The following TRAPPC12 variants were observed in gnomAD, a reference collection of about 807,000 sequenced individuals.
The protein encoded by TRAPPC12 is TPR repeat protein 15.
A neutral mutation model predicts 69.2 loss-of-function variants in TRAPPC12; 61 were observed. The observed-to-expected ratio is 0.88, with a 90% CI of 0.72 to 1.09. TRAPPC12 has a LOEUF of 1.09. Ranked by LOEUF, TRAPPC12 falls within the 50% of genes least tolerant of loss-of-function variation. The pLI is 0.00. For synonymous variants in TRAPPC12, 469 were observed against 438.9 expected, an observed-to-expected ratio of 1.07 and a Z score of -0.86; for missense variants, 1,101 against 1,016.4, an observed-to-expected ratio of 1.08 and a Z score of -1.13.
At position 3,424,625 on chromosome 2, in the gene TRAPPC12, A is replaced by G. The variant is rs1431421637; in HGVS notation, c.1379A>G (p.Tyr460Cys). The stretch of plus-strand genomic sequence containing the variant: ...GGAAATCTTGATCAGCCAGATCTTT[A>G]TTACGAGTACTACCCGCACGTGTAC... ...PFGNLDQPDL[Y>C]YEYYPHVYPG... Residue 460 changes from tyrosine to cysteine, a missense_variant, in exon 5 of 12, where the codon TAT (tyrosine) becomes TGT (cysteine). Physicochemically the swap from Tyr to Cys is radical, Grantham distance 194. Transcript: ENST00000324266. 2 of 1,613,872 alleles carry G rather than the reference A, an allele frequency of 1.2e-6. No individual in the cohort carries two copies. The highest frequency in any genetic ancestry group is 3.3e-5 in the Admixed American group (2 of 59,914).
intron 3 of TRAPPC12, among the ~76,000 whole-genome samples, chr2:3,416,092 G>A (rs918296611): frequency 4.6e-5 from 7 of 152,158 alleles, no homozygotes; most frequent in Non-Finnish European, 1.0e-4. Context: ...TGATGCACTG[G>A]TAGCCATTTG....
At position 3,466,992 on chromosome 2, in the gene TRAPPC12, G is replaced by C. The variant is rs576398233; in HGVS notation, c.1776+1297G>C. Among the ~76,000 whole-genome samples, 212 of 152,322 alleles carry C rather than the reference G, an allele frequency of 1.4e-3. 2 individuals are homozygous for C. The highest frequency in any genetic ancestry group is 1.0e-3 in the Non-Finnish European group (71 of 68,026). ...AGACAATCTCGGAAATTTTATTTCA[G>C]AGTCATATTTTGCACAATTTGAGAA... On this transcript the variant is annotated intron_variant, in intron 9 of 11. Transcript: ENST00000324266.
chr2:3,470,850 G>A (rs1462623137), intron 9 of TRAPPC12, among the ~76,000 whole-genome samples: 4 of 152,164 alleles, frequency 2.6e-5, no homozygotes, highest in Admixed American at 6.5e-5. Context: ...TTGGGAAAAC[G>A]TGCTATAAAG....
intron 2 of TRAPPC12, among the ~76,000 whole-genome samples, chr2:3,389,940 T>C (rs919602518): frequency 1.3e-5 from 2 of 151,476 alleles, no homozygotes; most frequent in Non-Finnish European, 2.9e-5. Flanking sequence ...TGATTGTGAG[T>C]ATGCAAAAAA....
intron 3 of TRAPPC12, among the ~76,000 whole-genome samples, chr2:3,413,962 A>G (rs896979736): frequency 1.3e-5 from 2 of 152,048 alleles, no homozygotes; most frequent in African/African-American, 2.4e-5. Context: ...AATAATTCAT[A>G]TGAGTGTTTG....
chr2:3,459,981 T>G, intron 7 of TRAPPC12: 1 of 529,964 alleles, frequency 1.9e-6, no homozygotes. Flanking sequence ...GGGCCCCCGG[T>G]CGGACCATTT....
chr2:3,459,377 A>G (rs1250697819), intron 7 of TRAPPC12, among the ~76,000 whole-genome samples: 2 of 152,220 alleles, frequency 1.3e-5, no homozygotes, highest in African/African-American at 4.8e-5. Flanking sequence ...CCTGTCAATA[A>G]TATGTTCATT....
chr2:3,410,005 C>T (rs1661966379), intron 3 of TRAPPC12, among the ~76,000 whole-genome samples: 2 of 152,164 alleles, frequency 1.3e-5, no homozygotes, highest in South Asian at 4.1e-4. Context: ...GCGCCTCCAC[C>T]TGGGAGATGC....
intron 6 of TRAPPC12, chr2:3,449,466 A>T (rs1664733172): frequency 4.6e-5 from 7 of 152,340 alleles, no homozygotes; most frequent in Admixed American, 4.6e-4. Context: ...TCCCAGCTGG[A>T]GGAGGCAGAG....
chr2:3,452,073 G>C (rs940137770), intron 6 of TRAPPC12, among the ~76,000 whole-genome samples: 3 of 152,184 alleles, frequency 2.0e-5, no homozygotes, highest in Non-Finnish European at 4.4e-5. Context: ...CACTGGCTCA[G>C]GTCTGTCCTG....
At chr2:3,447,877 A>G (rs1386375005) in intron 6 of TRAPPC12, among the ~76,000 whole-genome samples, 1 of 152,110 alleles carries the variant, frequency 6.6e-6, no homozygotes, top group Non-Finnish European at 1.5e-5. Context: ...AGACCTTCAC[A>G]ACTCCAGGAA....
chr2:3,387,546 T>A (rs1660548631), intron 1 of TRAPPC12, 74 bp from the exon 2 acceptor site: 1 of 1,156,308 alleles, frequency 8.6e-7, no homozygotes, highest in Non-Finnish European at 1.2e-6. Flanking sequence ...TTTGAATCTA[T>A]AAGCAATACT....
At chr2:3,457,986 C>T (rs1558399362) in intron 7 of TRAPPC12, 10 of 1,250,246 alleles carry the variant, frequency 8.0e-6, no homozygotes, top group South Asian at 6.9e-5. Context: ...TGAGTGGGCG[C>T]GAGGAAGGAG....
chr2:3,400,908 C>G (rs1661406786), intron 2 of TRAPPC12, among the ~76,000 whole-genome samples: 1 of 152,252 alleles, frequency 6.6e-6, no homozygotes, highest in African/African-American at 2.4e-5. Flanking sequence ...TGGCACATCT[C>G]TTCTGTCCCC....
chr2:3,411,519 T>G (rs1338426293), intron 3 of TRAPPC12, among the ~76,000 whole-genome samples: 1 of 152,274 alleles, frequency 6.6e-6, no homozygotes, highest in Non-Finnish European at 1.5e-5. Flanking sequence ...GTGTATGTGT[T>G]ATACGTATGT....
chr2:3,438,839 A>T (rs1337749064), intron 5 of TRAPPC12, among the ~76,000 whole-genome samples: 5 of 152,106 alleles, frequency 3.3e-5, no homozygotes. Context: ...TCTGTTGAAG[A>T]ACATCTTGGT....
rs1558340418 is a variant in TRAPPC12, at chr2:3,388,603, A to C, written c.980A>C (p.Gln327Pro). The change falls in exon 2 of 12, where the codon CAG becomes CCG. Residue 327 changes from glutamine (Q) to proline (P), a missense_variant. Gln to Pro is a moderately conservative substitution (Grantham distance 76). Transcript: ENST00000324266. ...GTCCTGCGGGCCGTGGCCACCCAGCAGCGCGGCGCCGTGTTCGTGGACAAG... is the reference window on the plus strand; with the variant it reads ...GTCCTGCGGGCCGTGGCCACCCAGCCGCGCGGCGCCGTGTTCGTGGACAAG... ...RGVLRAVATQ[Q>P]RGAVFVDKEN... 2 of 1,606,514 alleles carry C rather than the reference A, an allele frequency of 1.2e-6. No homozygotes were observed. The highest frequency in any genetic ancestry group is 2.2e-5 in the East Asian group (1 of 44,558).
chr2:3,467,122 G>A (rs1280790049), intron 9 of TRAPPC12, among the ~76,000 whole-genome samples: 1 of 152,218 alleles, frequency 6.6e-6, no homozygotes, highest in African/African-American at 2.4e-5. Flanking sequence ...AGTCTCAGGA[G>A]GGAGGCTCAG....
chr2:3,388,613 C>T lies in TRAPPC12; in HGVS notation c.990C>T (p.Ala330=), dbSNP rs749361154. The T allele has an allele frequency of 3.1e-6, 5 of 1,600,866 alleles. No individual in the cohort carries two copies. The Admixed American group carries it at 6.8e-5, about 22-fold the overall frequency. ...CCGTGGCCACCCAGCAGCGCGGCGCCGTGTTCGTGGACAAGGAGAACCTCA... is the reference window on the plus strand; with the variant it reads ...CCGTGGCCACCCAGCAGCGCGGCGCTGTGTTCGTGGACAAGGAGAACCTCA... ...LRAVATQQRG[A]VFVDKENLTM... The change falls in exon 2 of 12, where the codon GCC becomes GCT. Residue 330 remains alanine, a synonymous_variant. Transcript: ENST00000324266.
Sources: allele counts gnomAD v4.1 joint callset (sites outside exome capture counted in the v4.1 genomes callset), GRCh38; gene constraint gnomAD v4.1.1; transcripts MANE v1.5; gene names NCBI Gene and HGNC (gene_info 2026-07-23, HGNC 2026-07-21).